The following ZNF609 variants were observed in gnomAD, a reference collection of about 807,000 sequenced individuals.
ZNF609 encodes zinc finger protein 609.
Under a neutral mutation model 109.5 loss-of-function variants are expected in ZNF609, and 11 were observed. The observed-to-expected ratio is 0.10, with a 90% CI of 0.06 to 0.17. The LOEUF (loss-of-function observed/expected upper bound fraction) is 0.17, where lower values mean the gene tolerates loss of function less well. ZNF609 is among the 10% of genes least tolerant of loss of function. The probability of loss-of-function intolerance (pLI) is 1.00; values close to 1 mark genes in which losing one functional copy is unlikely to be tolerated. For missense variants in ZNF609, 1,559 were observed against 1,772.4 expected (o/e 0.88, Z 2.16); for synonymous variants, 646 against 662.0 (o/e 0.98, Z 0.37).
chr15:64,539,734 C>G (rs115559288), intron 2 of ZNF609, among the ~76,000 whole-genome samples: 12 of 152,162 alleles, frequency 7.9e-5, no homozygotes, highest in African/African-American at 2.6e-4. Flanking sequence ...GAACTCCTGA[C>G]CATGTGCCTC....
In ZNF609 at chr15:64,564,792, T is replaced by C. The variant is rs1894747475; in HGVS notation, c.748-58035T>C. Among the ~76,000 whole-genome samples the C allele has an allele frequency of 2.0e-5, 3 of 151,988 alleles. No homozygotes were observed. In the South Asian group the frequency reaches 6.2e-4, roughly 31 times the overall value. ...CCTCCCTTCATCCACTAGATTACAGTGAATGATAGTAATGTCACTGATACA... is the reference window on the plus strand; with the variant it reads ...CCTCCCTTCATCCACTAGATTACAGCGAATGATAGTAATGTCACTGATACA... On this transcript the variant is annotated intron_variant, in intron 2 of 9. Coordinates refer to ENST00000326648, the MANE Select transcript of ZNF609 (RefSeq NM_015042.2).
chr15:64,528,644 G>T (rs1284585809), intron 2 of ZNF609: 6 of 962,074 alleles, frequency 6.2e-6, no homozygotes, highest in Non-Finnish European at 8.1e-6. Context: ...TCATGCTGTC[G>T]CTGGGCTGGT....
At chr15:64,514,360 A>G (rs2140359880) in intron 2 of ZNF609, among the ~76,000 whole-genome samples, 1 of 152,344 alleles carries the variant, frequency 6.6e-6, no homozygotes, top group East Asian at 1.9e-4. Context: ...ATATAGCTTA[A>G]TGTAATGATT....
At chr15:64,670,523 C>T in intron 4 of ZNF609, 90 bp downstream of exon 4, 3 of 1,112,564 alleles carry the variant, frequency 2.7e-6, no homozygotes, top group East Asian at 4.8e-5. Context: ...GTTGTACATC[C>T]AGCTTTTAAA....
chr15:64,477,386 GGCCTCA>G (rs1056636581), intron 1 of ZNF609, among the ~76,000 whole-genome samples: 1 of 151,436 alleles, frequency 6.6e-6, no homozygotes, highest in African/African-American at 2.4e-5. Context: ...GTGATCCGCC[GGCCTCA>G]GCCTCCCAAA....
intron 3 of ZNF609, among the ~76,000 whole-genome samples, chr15:64,645,266 T>A (rs1595750940): frequency 6.6e-6 from 1 of 151,976 alleles, no homozygotes; most frequent in East Asian, 1.9e-4. Context: ...AATTTTTCTA[T>A]TTTTTGTAGA....
intron 2 of ZNF609, among the ~76,000 whole-genome samples, chr15:64,583,038 A>G (rs546500893): frequency 6.7e-6 from 1 of 149,744 alleles, no homozygotes; most frequent in Non-Finnish European, 1.5e-5. Flanking sequence ...GGCATGAGCC[A>G]CCACGCCGGG....
intron 4 of ZNF609, among the ~76,000 whole-genome samples, chr15:64,670,915 A>G (rs1896716748): frequency 1.3e-5 from 2 of 149,812 alleles, no homozygotes; most frequent in Admixed American, 1.3e-4. Flanking sequence ...ATTGTGTATT[A>G]AAGTGTTCGG....
At chr15:64,615,863 A>G (rs1184009941) in intron 2 of ZNF609, among the ~76,000 whole-genome samples, 2 of 152,110 alleles carry the variant, frequency 1.3e-5, no homozygotes, top group Non-Finnish European at 2.9e-5. Context: ...AACATCCCCA[A>G]CTACCTTTTT....
intron 2 of ZNF609, among the ~76,000 whole-genome samples, chr15:64,598,712 G>A (rs1300473091): frequency 8.6e-6 from 1 of 116,526 alleles, no homozygotes; most frequent in Admixed American, 9.9e-5. Flanking sequence ...CAACATTGAA[G>A]AAAACTGTCC....
intron 2 of ZNF609, among the ~76,000 whole-genome samples, chr15:64,558,477 G>A (rs496793): frequency 0.87 from 132,076 of 152,238 alleles, 58,520 homozygotes; most frequent in East Asian, 0.96. Flanking sequence ...TAAGTACTAT[G>A]TAAGTATTGT....
In ZNF609 at chr15:64,465,370, A is replaced by G. The variant is rs72741335; in HGVS notation, c.-128+4532A>G. On this transcript the variant is annotated intron_variant, in intron 1 of 9. Transcript: ENST00000326648. ...GAAGTTTGCATCTCTTCGGTTGTTT[A>G]TTTGTTTGTTTGTTTGTTTTTCTTT... 1.6e-4 allele frequency among the ~76,000 whole-genome samples: 20 copies of G among 124,448 alleles called. No individual in the cohort carries two copies. In the East Asian group the frequency reaches 0.045, roughly 279 times the overall value. The allele number at this position is 124,448 out of a possible 152,430, so 81.6% of individuals were successfully genotyped here.
At chr15:64,659,738 G>A (rs185236984) in intron 3 of ZNF609, among the ~76,000 whole-genome samples, 161 of 152,006 alleles carry the variant, frequency 1.1e-3, no homozygotes, top group Non-Finnish European at 1.7e-3. Context: ...TTTAAAATAC[G>A]CTCTGTATAT....
At chr15:64,535,033 C>A (rs1444477360) in intron 2 of ZNF609, among the ~76,000 whole-genome samples, 1 of 150,738 alleles carries the variant, frequency 6.6e-6, no homozygotes, top group Non-Finnish European at 1.5e-5. Context: ...GAGTGAAACT[C>A]CGTCTCCAAA....
chr15:64,502,420 C>T (rs1893574583), intron 2 of ZNF609: 1 of 152,138 alleles, frequency 6.6e-6, no homozygotes, highest in South Asian at 2.1e-4. Context: ...AAGTTAGGAA[C>T]CATGCAGAGG....
At chr15:64,603,858 GC>G (rs1056343319) in intron 2 of ZNF609, among the ~76,000 whole-genome samples, 2 of 151,726 alleles carry the variant, frequency 1.3e-5, no homozygotes, top group Non-Finnish European at 2.9e-5. Context: ...AAATAGCCAG[GC>G]ATGCTGGCGG....
chr15:64,524,427 G>A (rs1306756587), intron 2 of ZNF609, among the ~76,000 whole-genome samples: 2 of 152,154 alleles, frequency 1.3e-5, no homozygotes, highest in African/African-American at 4.8e-5. Flanking sequence ...AGCTGGGCGT[G>A]GTGGCACATG....
At chr15:64,489,826 C>T (rs1476551339) in intron 1 of ZNF609, among the ~76,000 whole-genome samples, 1 of 152,170 alleles carries the variant, frequency 6.6e-6, no homozygotes, top group African/African-American at 2.4e-5. Context: ...CCATGCCCAG[C>T]CACTTTTTTT....
At chr15:64,591,724 ATTT>A (rs771812223) in intron 2 of ZNF609, among the ~76,000 whole-genome samples, 2 of 142,646 alleles carry the variant, frequency 1.4e-5, no homozygotes, top group Non-Finnish European at 1.5e-5. Context: ...ACTAAAAATA[ATTT>A]TTTTTTTTTT....
Sources: allele counts gnomAD v4.1 joint callset (sites outside exome capture counted in the v4.1 genomes callset), GRCh38; gene constraint gnomAD v4.1.1; transcripts MANE v1.5; gene names NCBI Gene and HGNC (gene_info 2026-07-23, HGNC 2026-07-21).